The following LRRC37A2 variants were observed in gnomAD, a reference collection of about 807,000 sequenced individuals.
LRRC37A2 encodes leucine rich repeat containing 37 member A2, also known as leucine-rich repeat-containing protein 37A2.
Under a neutral mutation model 68.8 loss-of-function variants are expected in LRRC37A2, and 9 were observed. The observed-to-expected ratio is 0.13, with a 90% CI of 0.08 to 0.23. LRRC37A2 has a LOEUF of 0.23. Among genes scored for constraint, LRRC37A2 ranks in the 10% least tolerant of loss-of-function variants. The pLI is 1.00. For missense variants in LRRC37A2, 168 were observed against 950.4 expected (o/e 0.18, Z 10.82); for synonymous variants, 63 against 367.6 (o/e 0.17, Z 9.48).
the LRRC37A2 span, among the ~76,000 whole-genome samples, chr17:46,472,932 A>G: frequency 1.4e-5 from 1 of 69,088 alleles, no homozygotes; most frequent in African/African-American, 4.6e-5. Context: ...AAATATATAT[A>G]TATATATATA....
chr17:46,724,156 T>G, the LRRC37A2 span, among the ~76,000 whole-genome samples: 1 of 152,200 alleles, frequency 6.6e-6, no homozygotes, highest in African/African-American at 2.4e-5. Flanking sequence ...CCCTTTCCAC[T>G]GGTTAACTGT....
chr17:46,900,168 C>CATATATAT, the LRRC37A2 span, among the ~76,000 whole-genome samples: 78 of 64,022 alleles, frequency 1.2e-3, no homozygotes, highest in Non-Finnish European at 1.6e-3. Context: ...TATACATATA[C>CATATATAT]ATATATATAT....
At chr17:46,406,035 A>G in the LRRC37A2 span, among the ~76,000 whole-genome samples, 1 of 105,072 alleles carries the variant, frequency 9.5e-6, no homozygotes, top group Admixed American at 9.6e-5. Context: ...TTATAAAAAG[A>G]TACTTTTTCA....
intron 6 of LRRC37A2, among the ~76,000 whole-genome samples, chr17:46,534,736 C>T (rs1202102063): frequency 1.9e-4 from 29 of 149,996 alleles, no homozygotes; most frequent in African/African-American, 5.0e-5. Flanking sequence ...GGGTGGCGGC[C>T]GGGCAGAGGG....
intron 11 of LRRC37A2, among the ~76,000 whole-genome samples, chr17:46,551,086 G>A (rs1452438419): frequency 6.7e-6 from 1 of 149,958 alleles, no homozygotes; most frequent in Non-Finnish European, 1.5e-5. Flanking sequence ...TGGTGAGGGG[G>A]AACGTCTCAT....
the LRRC37A2 span, chr17:46,713,161 A>G: frequency 3.3e-5 from 5 of 152,260 alleles, no homozygotes; most frequent in Non-Finnish European, 5.9e-5. Flanking sequence ...TATGTATTAA[A>G]CTGTCAGATA....
the LRRC37A2 span, among the ~76,000 whole-genome samples, chr17:46,957,659 C>G: frequency 6.6e-6 from 1 of 152,120 alleles, no homozygotes; most frequent in Admixed American, 6.5e-5. Flanking sequence ...AGCAGGAAGC[C>G]CAGGTGAGGA....
chr17:46,936,316 TGG>T, the LRRC37A2 span: 8 of 985,278 alleles, frequency 8.1e-6, no homozygotes, highest in Middle Eastern at 5.2e-4. Flanking sequence ...GAAGAGCCAG[TGG>T]GGGTTAGAGC....
chr17:46,917,703 C>T, the LRRC37A2 span, among the ~76,000 whole-genome samples: 2 of 152,208 alleles, frequency 1.3e-5, no homozygotes, highest in Non-Finnish European at 2.9e-5. Flanking sequence ...CCCACATTTC[C>T]GCTTGGCGTT....
chr17:46,737,547 A>G, the LRRC37A2 span, among the ~76,000 whole-genome samples: 1 of 148,260 alleles, frequency 6.7e-6, no homozygotes, highest in Non-Finnish European at 1.5e-5. Flanking sequence ...GCTTTTTTCT[A>G]ATTTGTTCAC....
the LRRC37A2 span, among the ~76,000 whole-genome samples, chr17:46,880,903 G>C: frequency 6.6e-6 from 1 of 152,210 alleles, no homozygotes; most frequent in Non-Finnish European, 1.5e-5. Context: ...CTCATGCTAT[G>C]GCAAGCAGCA....
chr17:46,885,309 AT>A, the LRRC37A2 span: 3,177 of 207,288 alleles, frequency 0.015, no homozygotes, highest in South Asian at 0.03. Context: ...CCTGGCCAGC[AT>A]TTTTTTTTTT....
the LRRC37A2 span, among the ~76,000 whole-genome samples, chr17:46,491,077 A>G: frequency 6.6e-6 from 1 of 150,612 alleles, no homozygotes; most frequent in Non-Finnish European, 1.5e-5. Flanking sequence ...TGTATTTTTT[A>G]GTAGAGATGG....
intron 6 of LRRC37A2, among the ~76,000 whole-genome samples, chr17:46,528,147 T>C (rs1257051199): frequency 9.4e-6 from 1 of 106,706 alleles, no homozygotes; most frequent in Non-Finnish European, 2.0e-5. Flanking sequence ...GGGTTTATGC[T>C]CACCGGTCAG....
At chr17:46,788,347 T>A in the LRRC37A2 span, among the ~76,000 whole-genome samples, 1 of 152,216 alleles carries the variant, frequency 6.6e-6, no homozygotes, top group East Asian at 1.9e-4. Flanking sequence ...GATTGGGAAA[T>A]GAGAACCTTA....
chr17:47,048,047 C>CTTTTT, the LRRC37A2 span, among the ~76,000 whole-genome samples: 4 of 136,448 alleles, frequency 2.9e-5, no homozygotes, highest in African/African-American at 1.1e-4. Context: ...TTTTTCAAAA[C>CTTTTT]TTTTTTTTTT....
the LRRC37A2 span, among the ~76,000 whole-genome samples, chr17:47,021,023 G>A: frequency 6.6e-6 from 1 of 151,978 alleles, no homozygotes; most frequent in Non-Finnish European, 1.5e-5. Flanking sequence ...GCAAACGCTT[G>A]GCTACAGGTA....
At chr17:46,853,291 G>A in the LRRC37A2 span, among the ~76,000 whole-genome samples, 1 of 147,156 alleles carries the variant, frequency 6.8e-6, no homozygotes, top group Non-Finnish European at 1.5e-5. Flanking sequence ...TTTATAAGAA[G>A]ATTGAGCTAG....
the LRRC37A2 span, among the ~76,000 whole-genome samples, chr17:46,905,532 C>T: frequency 6.6e-6 from 1 of 152,196 alleles, no homozygotes; most frequent in African/African-American, 2.4e-5. Flanking sequence ...GTACATGTCA[C>T]ACATGAAGAA....
Sources: gnomAD v4.1 joint callset for allele counts (sites outside exome capture counted in the v4.1 genomes callset) on GRCh38, gnomAD v4.1.1 for gene constraint, MANE v1.5 for transcripts, NCBI Gene and HGNC (gene_info 2026-07-23, HGNC 2026-07-21) for gene names.